ISLR2: variants seen among roughly 807,000 people sequenced by gnomAD.
ISLR2 encodes the protein immunoglobulin superfamily containing leucine rich repeat 2.
Under a neutral mutation model 25.5 loss-of-function variants are expected in ISLR2, and 16 were observed. That is an observed-to-expected ratio of 0.63 (90% CI 0.43 to 0.95). The LOEUF is 0.95. ISLR2 is among the 40% of genes least tolerant of loss of function. The pLI, the probability that ISLR2 is intolerant of heterozygous loss-of-function variation, is 0.00. For synonymous variants in ISLR2, 508 were observed against 486.6 expected (o/e 1.04, Z -0.58); for missense variants, 883 against 1,030.7 (o/e 0.86, Z 1.96).
Position 74,134,112 on chromosome 15 carries a change from C to T in ISLR2, c.1358C>T (p.Pro453Leu). The T allele has an allele frequency of 6.2e-7, 1 of 1,613,628 alleles. No homozygotes were observed. The highest frequency in any genetic ancestry group is 8.5e-7 in the Non-Finnish European group (1 of 1,179,878). The change falls in exon 3 of 3, where the codon CCG becomes CTG. Residue 453 changes from proline (P) to leucine (L), a missense_variant. Transcript: ENST00000453268. ...GCCGAAGACCAGATCCTCGCGGACCCGGCGGAGGAGCAGCGCTGTGGCAAC... is the reference window on the plus strand; with the variant it reads ...GCCGAAGACCAGATCCTCGCGGACCTGGCGGAGGAGCAGCGCTGTGGCAAC... ...EEAEDQILADPAEEQRCGNGD... is the reference protein window; with the variant it reads ...EEAEDQILADLAEEQRCGNGD...
rs1162692105 is a variant in ISLR2 at position 74,132,717 on chromosome 15, C to T, written c.-8-30C>T. The T allele has an allele frequency of 3.1e-6, 5 of 1,594,702 alleles. No homozygotes were observed. The highest frequency in any genetic ancestry group is 1.7e-5 in the Admixed American group (1 of 58,998). ...AAGCTGGGGTTCAGTGAGTCACCTT[C>T]TTTCTTCTTCACCTGGCTTCCATCT... On this transcript the variant is annotated intron_variant, in intron 2 of 2. Coordinates refer to ENST00000453268, the MANE Select transcript of ISLR2 (RefSeq NM_020851.3). This position sits in a 1 kb window ranked among gnomAD's most constrained non-coding sequence, Gnocchi z 4.3.
At chr15:74,103,735 CAT>C (rs1321227486) in intron 1 of ISLR2, 2 of 136,988 alleles carry the variant, frequency 1.5e-5, no homozygotes, top group Non-Finnish European at 3.1e-5. Context: ...ATAATCCCCA[CAT>C]GTCAAGGGTG....
upstream of ISLR2, chr15:74,127,820 G>T (rs960219863): frequency 6.6e-6 from 1 of 152,338 alleles, no homozygotes; most frequent in African/African-American, 2.4e-5. Context: ...CTCCGGGTTC[G>T]CGACGTTGAA....
In ISLR2 at chr15:74,135,084, C is replaced by A; in HGVS notation, c.*92C>A. On this transcript the variant is annotated 3_prime_UTR_variant, in exon 3 of 3. Transcript: ENST00000453268. The stretch of plus-strand genomic sequence containing the variant: ...GCTGGCAGGACTTATGTCCCCCGTC[C>A]CCAACCTTCACCTACTCCTCCCCCT... 1.4e-6 allele frequency: 2 copies of A among 1,466,382 alleles called. No homozygotes were observed. The highest frequency in any genetic ancestry group is 1.9e-6 in the Non-Finnish European group (2 of 1,078,336). The allele number at this position is 1,466,382 out of a possible 1,614,324, so 90.8% of individuals were successfully genotyped here. A position where few individuals can be genotyped will look rare whatever the true frequency, so the allele number is the denominator to read the frequency against.
intron 2 of ISLR2, among the ~76,000 whole-genome samples, chr15:74,131,600 T>C (rs191490903): frequency 3.3e-5 from 5 of 152,260 alleles, no homozygotes; most frequent in African/African-American, 1.2e-4. Context: ...AGGGGGTCCT[T>C]AGGCACCGCA....
At position 74,134,832 on chromosome 15, in the gene ISLR2, A is replaced by G; in HGVS notation, c.2078A>G (p.Glu693Gly). The change falls in exon 3 of 3, where the codon GAG becomes GGG. Residue 693 changes from glutamate to glycine, a missense_variant. Transcript: ENST00000453268. The part of the protein sequence containing the change: ...QGDPSGDLQR[E>G]ESLAACSLVE... ...GACCCAAGTGGGGACCTGCAGAGAG[A>G]GGAGAGCCTGGCGGCCTGCTCACTG... 6.2e-7 allele frequency: 1 copy of G among 1,614,096 alleles called. No homozygotes were observed. The highest frequency in any genetic ancestry group is 8.5e-7 in the Non-Finnish European group (1 of 1,180,014).
chr15:74,110,165 A>G (rs2072154694), intron 2 of ISLR2, among the ~76,000 whole-genome samples: 2 of 152,252 alleles, frequency 1.3e-5, no homozygotes, highest in Admixed American at 6.5e-5. Flanking sequence ...AAAACCACGT[A>G]AGATATCACT....
At position 74,132,956 on chromosome 15, in the gene ISLR2, C is replaced by G. The variant is rs1488616974; in HGVS notation, c.202C>G (p.Arg68Gly). 6.2e-7 allele frequency: 1 copy of G among 1,614,060 alleles called. No individual in the cohort carries two copies. The highest frequency in any genetic ancestry group is 1.7e-5 in the Admixed American group (1 of 60,028). ...CGCGAACAAGATCACTGTGCTGCGG[C>G]GCGGGGCCTTCGCCGACGTCACACA... ...LSANKITVLR[R>G]GAFADVTQVT... Residue 68 changes from arginine (R) to glycine (G), a missense_variant, in exon 3 of 3, where the codon CGC becomes GGC. By Grantham distance (125) the Arg-to-Gly change is moderately radical. Transcript: ENST00000453268. This position sits in a 1 kb window ranked among gnomAD's most constrained non-coding sequence, Gnocchi z 4.3.
chr15:74,130,888 G>A (rs2072399354), intron 1 of ISLR2, among the ~76,000 whole-genome samples: 1 of 152,076 alleles, frequency 6.6e-6, no homozygotes, highest in Non-Finnish European at 1.5e-5. Flanking sequence ...TAAATGTGGG[G>A]GTACGTGGGT....
Position 74,134,833 on chromosome 15 carries a change from G to A in ISLR2, c.2079G>A (p.Glu693=). 6 of 1,614,146 alleles carry A rather than the reference G, an allele frequency of 3.7e-6. No homozygotes were observed. Among genetic ancestry groups the A allele is most frequent in the Non-Finnish European group, 5.1e-6 (6 of 1,180,020 alleles). The change falls in exon 3 of 3, where the codon GAG becomes GAA. Residue 693 remains glutamate, a synonymous_variant. Coordinates refer to ENST00000453268, the MANE Select transcript of ISLR2 (RefSeq NM_020851.3). ...QGDPSGDLQR[E]ESLAACSLVE... ...ACCCAAGTGGGGACCTGCAGAGAGA[G>A]GAGAGCCTGGCGGCCTGCTCACTGG... is the stretch of plus-strand genomic sequence containing the variant.
chr15:74,133,351 C>T lies in ISLR2; in HGVS notation c.597C>T (p.Thr199=), dbSNP rs1350322867. The T allele has an allele frequency of 3.1e-6, 5 of 1,608,606 alleles. No homozygotes were observed. The highest frequency in any genetic ancestry group is 4.2e-6 in the Non-Finnish European group (5 of 1,179,824). ...GGCTGCAGGCCTGGGCCGCGAGCAC[C>T]CGGGTGTCCTTACCCGAGCCCGACT... The part of the protein sequence containing the change: ...LVWLQAWAAS[T]RVSLPEPDSI... The change falls in exon 3 of 3, where the codon ACC becomes ACT. Residue 199 remains threonine (T), a synonymous_variant. Transcript: ENST00000453268.
intron 2 of ISLR2, among the ~76,000 whole-genome samples, chr15:74,119,237 G>T (rs545268364): frequency 6.6e-6 from 1 of 151,798 alleles, no homozygotes; most frequent in South Asian, 2.1e-4. Flanking sequence ...CCCAGACAGG[G>T]TCTTACTCTG....
chr15:74,134,669 A>G lies in ISLR2; in HGVS notation c.1915A>G (p.Lys639Glu). 6.2e-6 allele frequency: 10 copies of G among 1,614,074 alleles called. No homozygotes were observed. The highest frequency in any genetic ancestry group is 7.6e-6 in the Non-Finnish European group (9 of 1,180,002). ...GCCTCAGGCCCCTGACCCTATGGAG[A>G]AGCGCATCGCCGCAGACTTCGACCC... is the stretch of plus-strand genomic sequence containing the variant. Reference protein sequence around the residue: ...LRPQAPDPMEKRIAADFDPRA... With the variant: ...LRPQAPDPMEERIAADFDPRA... Residue 639 changes from lysine (K) to glutamate (E), a missense_variant, in exon 3 of 3, where the codon AAG becomes GAG. Lys to Glu is a moderately conservative substitution (Grantham distance 56). Transcript: ENST00000453268.
At position 74,134,617 on chromosome 15, in the gene ISLR2, G is replaced by A; in HGVS notation, c.1863G>A (p.Pro621=). ...GCTGCCATCTGCTGGCTAAACACCC[G>A]GGCAAGCCCTACCGTCTGATCCTGC... ...AACCHLLAKH[P]GKPYRLILRP... The change falls in exon 3 of 3, where the codon CCG becomes CCA. Residue 621 remains proline, a synonymous_variant. Transcript: ENST00000453268. 6.2e-7 allele frequency: 1 copy of A among 1,614,084 alleles called. No homozygotes were observed. The highest frequency in any genetic ancestry group is 1.6e-4 in the Middle Eastern group (1 of 6,062).
downstream of ISLR2, among the ~76,000 whole-genome samples, chr15:74,139,863 A>AGTGTGTGTGTGT (rs10579764): frequency 9.4e-5 from 12 of 128,112 alleles, no homozygotes; most frequent in African/African-American, 2.6e-4. Context: ...CGGCTTGAGG[A>AGTGTGTGTGTGT]GTGTGTGTGT....
chr15:74,136,016 T>C lies in ISLR2; in HGVS notation c.*1024T>C, dbSNP rs2072559498. The stretch of plus-strand genomic sequence containing the variant: ...TTCGTTGTTTTCAAAGACAGCGACA[T>C]TTCGGGTCTGGTGCTAACACCCCCT... On this transcript the variant is annotated 3_prime_UTR_variant, in exon 3 of 3. Coordinates refer to ENST00000453268, the MANE Select transcript of ISLR2 (RefSeq NM_020851.3). 1 of 166,806 alleles carries C rather than the reference T, an allele frequency of 6.0e-6. No homozygotes were observed. Among genetic ancestry groups the C allele is most frequent in the South Asian group, 2.1e-4 (1 of 4,804 alleles). 10.3% of individuals were successfully genotyped at this position (166,806 alleles called of 1,614,324 possible). A position where few individuals can be genotyped will look rare whatever the true frequency, so the allele number is the denominator to read the frequency against.
intron 2 of ISLR2, among the ~76,000 whole-genome samples, chr15:74,112,245 T>A (rs2072173881): frequency 6.6e-6 from 1 of 152,242 alleles, no homozygotes; most frequent in Admixed American, 6.5e-5. Context: ...GGTCACCTGC[T>A]GGAAGATAGG....
At chr15:74,124,116 G>A (rs1368495795), upstream of ISLR2, among the ~76,000 whole-genome samples, 1 of 150,832 alleles carries the variant, frequency 6.6e-6, no homozygotes, top group African/African-American at 2.4e-5. Flanking sequence ...CTCAGACTGT[G>A]GATATAGATT....
intron 1 of ISLR2, among the ~76,000 whole-genome samples, chr15:74,103,316 C>G (rs1419406263): frequency 7.3e-5 from 11 of 150,806 alleles, no homozygotes. Context: ...GAAAATTATA[C>G]TTCAGGCTGG....
Sources: gnomAD v4.1 joint callset for allele counts (sites outside exome capture counted in the v4.1 genomes callset) on GRCh38, gnomAD v4.1.1 for gene constraint, Gnocchi (gnomAD v3.1) non-coding constraint, MANE v1.5 for transcripts, NCBI Gene and HGNC (gene_info 2026-07-23, HGNC 2026-07-21) for gene names.